The following TDRP variants were observed in gnomAD, a reference collection of about 807,000 sequenced individuals.
The protein encoded by TDRP is testis development related protein.
Under a neutral mutation model 10.5 loss-of-function variants are expected in TDRP, and 12 were observed. That is an observed-to-expected ratio of 1.15 (90% CI 0.73 to 1.86). The LOEUF (loss-of-function observed/expected upper bound fraction) is 1.86. Among genes scored for constraint, TDRP ranks in the 40% most tolerant of loss-of-function variants. TDRP has a pLI of 0.00. For synonymous variants in TDRP, 139 were observed against 95.4 expected, an observed-to-expected ratio of 1.46 and a Z score of -2.67; for missense variants, 353 against 229.2, an observed-to-expected ratio of 1.54 and a Z score of -3.49.
At chr8:535,960 AC>A (rs1342393994) in intron 1 of TDRP, among the ~76,000 whole-genome samples, 2 of 152,170 alleles carry the variant, frequency 1.3e-5, no homozygotes, top group Non-Finnish European at 1.5e-5. Context: ...ACAAAGTGAA[AC>A]CCACAGCCTA....
intron 1 of TDRP, among the ~76,000 whole-genome samples, chr8:510,146 C>G (rs926249723): frequency 2.6e-5 from 4 of 152,204 alleles, no homozygotes; most frequent in Non-Finnish European, 4.4e-5. Flanking sequence ...CTTCAGCATC[C>G]AGAGTTGTGA....
intron 1 of TDRP, among the ~76,000 whole-genome samples, chr8:506,621 G>A (rs891218192): frequency 1.3e-5 from 2 of 152,192 alleles, no homozygotes; most frequent in Admixed American, 6.5e-5. Flanking sequence ...CCCAGGAGAA[G>A]CAAGCTGATA....
intron 1 of TDRP, among the ~76,000 whole-genome samples, chr8:506,193 T>C (rs377746579): frequency 3.3e-5 from 5 of 152,174 alleles, no homozygotes; most frequent in African/African-American, 7.2e-5. Context: ...AAAACACACA[T>C]AGGATCTCTG....
At chr8:525,489 A>T (rs1206699217) in intron 1 of TDRP, among the ~76,000 whole-genome samples, 2 of 152,198 alleles carry the variant, frequency 1.3e-5, no homozygotes, top group Non-Finnish European at 2.9e-5. Flanking sequence ...ACCAATTAAA[A>T]ATAACTTCTT....
chr8:530,104 A>G (rs555910470), intron 1 of TDRP, among the ~76,000 whole-genome samples: 2 of 152,054 alleles, frequency 1.3e-5, no homozygotes, highest in East Asian at 3.9e-4. Flanking sequence ...GTTGAGTTTG[A>G]CGATTCTTCT....
chr8:522,677 C>T (rs145621519), intron 1 of TDRP, among the ~76,000 whole-genome samples: 6 of 152,274 alleles, frequency 3.9e-5, no homozygotes, highest in African/African-American at 9.6e-5. Context: ...GGGCTCAGTC[C>T]TTTGGATGTT....
chr8:494,404 G>C, intron 2 of TDRP, 90 bp downstream of exon 2: 2 of 1,300,218 alleles, frequency 1.5e-6, no homozygotes, highest in Non-Finnish European at 2.2e-6. Context: ...CAGTTACACT[G>C]CATTTATGCC....
At chr8:512,495 C>T (rs1296755240) in intron 1 of TDRP, among the ~76,000 whole-genome samples, 1 of 151,748 alleles carries the variant, frequency 6.6e-6, no homozygotes, top group Non-Finnish European at 1.5e-5. Context: ...AAAAAGAAGA[C>T]TTAAATTACT....
chr8:509,964 G>T (rs961895685), intron 1 of TDRP, among the ~76,000 whole-genome samples: 1 of 152,144 alleles, frequency 6.6e-6, no homozygotes, highest in African/African-American at 2.4e-5. Context: ...AGGTTGCAGT[G>T]AGCCAAGATT....
intron 1 of TDRP, among the ~76,000 whole-genome samples, chr8:511,998 G>A (rs956216543): frequency 1.6e-4 from 24 of 152,020 alleles, no homozygotes; most frequent in African/African-American, 5.3e-4. Context: ...TCTATCTTAA[G>A]GCAGTGGAAA....
At chr8:519,622 G>C (rs958623461) in intron 1 of TDRP, among the ~76,000 whole-genome samples, 1 of 152,028 alleles carries the variant, frequency 6.6e-6, no homozygotes, top group African/African-American at 2.4e-5. Context: ...CTTTCTCTAA[G>C]AGTTTGCTGT....
chr8:518,735 AT>A (rs1425234146), intron 1 of TDRP, among the ~76,000 whole-genome samples: 2 of 149,766 alleles, frequency 1.3e-5, no homozygotes, highest in African/African-American at 4.9e-5. Context: ...ATGAAAAAAA[AT>A]TGGAAAAGTA....
chr8:520,678 A>G (rs544913714), intron 1 of TDRP, among the ~76,000 whole-genome samples: 19 of 152,226 alleles, frequency 1.2e-4, no homozygotes, highest in Admixed American at 6.5e-5. Context: ...TTTGATTTGT[A>G]TTTCCCTGAT....
At chr8:502,986 C>A (rs546503523) in intron 1 of TDRP, among the ~76,000 whole-genome samples, 2 of 150,836 alleles carry the variant, frequency 1.3e-5, no homozygotes, top group African/African-American at 4.9e-5. Flanking sequence ...CACGTCAACA[C>A]AGAATACAGA....
intron 1 of TDRP, among the ~76,000 whole-genome samples, chr8:501,235 G>A (rs538790284): frequency 1.3e-5 from 2 of 152,086 alleles, no homozygotes; most frequent in South Asian, 4.2e-4. Flanking sequence ...AAAAACATGA[G>A]CGTAATGCTC....
rs574526226 is a variant in TDRP, at chr8:540,660, C to G, written c.108+3990G>C. ...GTATTTATGACCAAAAAAAAGGGCC[C>G]ATAGCCTAAAAAGATTCTCAGAGAA... On this transcript the variant is annotated intron_variant, in intron 1 of 2. Coordinates refer to ENST00000324079, the MANE Select transcript of TDRP (RefSeq NM_001384899.1). 2.0e-5 allele frequency among the ~76,000 whole-genome samples: 3 copies of G among 152,068 alleles called. No homozygotes were observed. In the South Asian group the frequency reaches 6.2e-4, roughly 32 times the overall value.
At chr8:538,457 A>C (rs1157555092) in intron 1 of TDRP, among the ~76,000 whole-genome samples, 1 of 152,212 alleles carries the variant, frequency 6.6e-6, no homozygotes, top group Admixed American at 6.5e-5. Context: ...ACCAACCCAT[A>C]TCAAGAATTT....
chr8:542,047 T>C (rs1413150467), intron 1 of TDRP, among the ~76,000 whole-genome samples: 2 of 152,078 alleles, frequency 1.3e-5, no homozygotes, highest in East Asian at 3.9e-4. Flanking sequence ...GGATAAACTG[T>C]GGTACACCCA....
chr8:542,336 C>T (rs935087512), intron 1 of TDRP, among the ~76,000 whole-genome samples: 6 of 152,034 alleles, frequency 3.9e-5, no homozygotes, highest in African/African-American at 1.5e-4. Context: ...ACACATTTGT[C>T]CAAACCACAG....
Sources: gnomAD v4.1 joint callset for allele counts (sites outside exome capture counted in the v4.1 genomes callset) on GRCh38, gnomAD v4.1.1 for gene constraint, MANE v1.5 for transcripts, NCBI Gene and HGNC (gene_info 2026-07-23, HGNC 2026-07-21) for gene names.